Variants in NUDT3 observed in about 807,000 individuals in gnomAD.
NUDT3 encodes nudix hydrolase 3.
NUDT3 carries 9 observed loss-of-function variants against 23.6 expected under a neutral mutation model. The ratio of observed to expected loss-of-function variants is 0.38; its 90% CI spans 0.23 to 0.66. NUDT3 has a LOEUF of 0.66. Ranked by LOEUF, NUDT3 falls within the 30% of genes least tolerant of loss-of-function variation. The pLI, the probability that NUDT3 is intolerant of heterozygous loss-of-function variation, is 0.52. For missense variants in NUDT3, 172 were observed against 218.5 expected, an observed-to-expected ratio of 0.79 and a Z score of 1.34; for synonymous variants, 86 against 82.6, an observed-to-expected ratio of 1.04 and a Z score of -0.22.
At chr6:34,313,417 A>G (rs924313425) in intron 2 of NUDT3, among the ~76,000 whole-genome samples, 1 of 152,134 alleles carries the variant, frequency 6.6e-6, no homozygotes, top group African/African-American at 2.4e-5. Flanking sequence ...GTGTGATACT[A>G]TAATTCTGGA....
intron 2 of NUDT3, among the ~76,000 whole-genome samples, chr6:34,328,430 T>C (rs1196912127): frequency 6.6e-6 from 1 of 152,186 alleles, no homozygotes; most frequent in African/African-American, 2.4e-5. Flanking sequence ...AGCTTACCAT[T>C]TTTTTCTGAT....
At chr6:34,354,092 A>G (rs1027591593) in intron 1 of NUDT3, among the ~76,000 whole-genome samples, 6 of 147,620 alleles carry the variant, frequency 4.1e-5, no homozygotes, top group African/African-American at 1.5e-4. Context: ...TAATTTTTAT[A>G]TTTTTAGTAG....
At chr6:34,348,427 A>T (rs1456341438) in intron 1 of NUDT3, among the ~76,000 whole-genome samples, 2 of 152,042 alleles carry the variant, frequency 1.3e-5, no homozygotes, top group Non-Finnish European at 2.9e-5. Context: ...GGCTGCAGTG[A>T]GCTATGATCC....
Position 34,392,436 on chromosome 6 carries a change from G to C in NUDT3, c.-74C>G. On this transcript the variant is annotated 5_prime_UTR_variant, in exon 1 of 5. Coordinates refer to ENST00000607016, the MANE Select transcript of NUDT3 (RefSeq NM_006703.4). ...TGGGGAGCCCGCTCTGGACGGCCGCGTGCGCGCGCGCCCCCGGCTCGGCCA... is the reference window on the plus strand; with the variant it reads ...TGGGGAGCCCGCTCTGGACGGCCGCCTGCGCGCGCGCCCCCGGCTCGGCCA... The C allele has an allele frequency of 1.8e-6, 2 of 1,129,384 alleles. No individual in the cohort carries two copies. The highest frequency in any genetic ancestry group is 1.3e-6 in the Non-Finnish European group (1 of 789,084). 70.0% of individuals were successfully genotyped at this position (1,129,384 alleles called of 1,614,324 possible).
intron 1 of NUDT3, among the ~76,000 whole-genome samples, chr6:34,363,251 T>C (rs939507248): frequency 6.6e-6 from 1 of 152,140 alleles, no homozygotes; most frequent in Admixed American, 6.6e-5. Flanking sequence ...GCAGCAGAGC[T>C]TGGGGGTCCT....
chr6:34,353,194 T>C (rs112626929), intron 1 of NUDT3, among the ~76,000 whole-genome samples: 2,087 of 152,308 alleles, frequency 0.014, 24 homozygotes, highest in Non-Finnish European at 0.023. Flanking sequence ...ATTATACACA[T>C]TGTTCTACTT....
intron 3 of NUDT3, 85 bp from the exon 4 acceptor site, chr6:34,293,620 TC>T: frequency 6.8e-7 from 1 of 1,465,896 alleles, no homozygotes; most frequent in Non-Finnish European, 9.4e-7. Context: ...TATGCATATG[TC>T]CAGAGAGCTC....
intron 2 of NUDT3, among the ~76,000 whole-genome samples, chr6:34,310,807 A>G (rs896392157): frequency 1.3e-5 from 2 of 152,176 alleles, no homozygotes; most frequent in Non-Finnish European, 2.9e-5. Flanking sequence ...TTACACCTAA[A>G]ACCAAGTGGG....
At chr6:34,358,947 T>A (rs1294043037) in intron 1 of NUDT3, among the ~76,000 whole-genome samples, 1 of 152,172 alleles carries the variant, frequency 6.6e-6, no homozygotes, top group Non-Finnish European at 1.5e-5. Context: ...TGTCACAAAT[T>A]TTTGTGTTCT....
At chr6:34,303,197 A>ATTTTT (rs55915428) in intron 2 of NUDT3, among the ~76,000 whole-genome samples, 31 of 74,558 alleles carry the variant, frequency 4.2e-4, no homozygotes, top group African/African-American at 7.0e-4. Flanking sequence ...ATACCTGGCA[A>ATTTTT]TTTTTTTTTT....
intron 2 of NUDT3, among the ~76,000 whole-genome samples, chr6:34,296,791 G>A (rs1386962985): frequency 2.6e-5 from 4 of 152,120 alleles, no homozygotes; most frequent in African/African-American, 4.8e-5. Context: ...AGAGAGTTTG[G>A]CACCCTGCAA....
At chr6:34,313,926 C>T (rs1439570447) in intron 2 of NUDT3, among the ~76,000 whole-genome samples, 2 of 150,828 alleles carry the variant, frequency 1.3e-5, no homozygotes, top group Non-Finnish European at 3.0e-5. Context: ...GGAGAAACCC[C>T]GTCTCTACTA....
At chr6:34,359,048 T>A (rs1402753979) in intron 1 of NUDT3, among the ~76,000 whole-genome samples, 2 of 152,110 alleles carry the variant, frequency 1.3e-5, no homozygotes, top group Non-Finnish European at 2.9e-5. Flanking sequence ...TCACAATAAA[T>A]CACAGAAAAA....
At chr6:34,373,472 C>T (rs779232553) in intron 1 of NUDT3, among the ~76,000 whole-genome samples, 4 of 151,952 alleles carry the variant, frequency 2.6e-5, no homozygotes, top group Non-Finnish European at 4.4e-5. Context: ...TGGAGCACCA[C>T]GTAGGCACCA....
chr6:34,373,991 T>C (rs1029796578), intron 1 of NUDT3, among the ~76,000 whole-genome samples: 10 of 151,704 alleles, frequency 6.6e-5, no homozygotes, highest in African/African-American at 1.9e-4. Flanking sequence ...CTGTCTCTAC[T>C]TAAAAAATAC....
At chr6:34,302,727 C>A (rs1034795170) in intron 2 of NUDT3, among the ~76,000 whole-genome samples, 3 of 152,104 alleles carry the variant, frequency 2.0e-5, no homozygotes, top group Non-Finnish European at 1.5e-5. Context: ...GCGAGAGACT[C>A]CGTCTCAAAA....
rs1490106295 is a variant in NUDT3, at chr6:34,284,234, T to C, written c.*4519A>G. ...CATTCAATAATCTCCTCCCTCCCCA[T>C]AGCTGCTTGAGTTAACTGTCCCACA... On this transcript the variant is annotated 3_prime_UTR_variant, in exon 5 of 5. Coordinates refer to ENST00000607016, the MANE Select transcript of NUDT3 (RefSeq NM_006703.4). 2.6e-5 allele frequency: 4 copies of C among 152,154 alleles called. No homozygotes were observed. Among genetic ancestry groups the C allele is most frequent in the South Asian group, 2.1e-4 (1 of 4,832 alleles). 9.4% of individuals were successfully genotyped at this position (152,154 alleles called of 1,614,324 possible).
intron 3 of NUDT3, among the ~76,000 whole-genome samples, chr6:34,293,928 G>GACAC (rs143214227): frequency 6.6e-6 from 1 of 151,668 alleles, no homozygotes; most frequent in Non-Finnish European, 1.5e-5. Flanking sequence ...AGCTGAGTGT[G>GACAC]ACACACACAC....
intron 1 of NUDT3, among the ~76,000 whole-genome samples, chr6:34,358,894 T>C (rs962535639): frequency 1.3e-5 from 2 of 152,164 alleles, no homozygotes; most frequent in Non-Finnish European, 1.5e-5. Flanking sequence ...GATAGAAAGA[T>C]AGTTATTGCA....
Sources: gnomAD v4.1 joint callset for allele counts (sites outside exome capture counted in the v4.1 genomes callset) on GRCh38, gnomAD v4.1.1 for gene constraint, MANE v1.5 for transcripts, NCBI Gene and HGNC (gene_info 2026-07-23, HGNC 2026-07-21) for gene names.